Variants in DCAF7 observed in about 807,000 individuals in gnomAD.
DCAF7 encodes DDB1 and CUL4 associated factor 7.
Under a neutral mutation model 41.2 loss-of-function variants are expected in DCAF7, and 4 were observed. The ratio of observed to expected loss-of-function variants is 0.10; its 90% CI spans 0.05 to 0.22. The LOEUF (loss-of-function observed/expected upper bound fraction) is 0.22. DCAF7 is among the 10% of genes least tolerant of loss of function. DCAF7 has a pLI of 1.00. For missense variants in DCAF7, 131 were observed against 443.2 expected (o/e 0.30, Z 6.32); for synonymous variants, 143 against 164.2 (o/e 0.87, Z 0.99).
At chr17:63,583,752 C>G in intron 5 of DCAF7, 41 bp downstream of exon 5, 1 of 1,586,138 alleles carries the variant, frequency 6.3e-7, no homozygotes, top group Non-Finnish European at 8.6e-7. Flanking sequence ...CTGCCTAACT[C>G]CAGCACTGCT....
chr17:63,588,638 C>T (rs2033702862), intron 6 of DCAF7, among the ~76,000 whole-genome samples: 1 of 152,140 alleles, frequency 6.6e-6, no homozygotes, highest in African/African-American at 2.4e-5. Flanking sequence ...TTTGTAACCA[C>T]TCAAGTATTT....
chr17:63,575,680 T>C lies in DCAF7; in HGVS notation c.139-2790T>C, dbSNP rs190889682. 2.2e-3 allele frequency among the ~76,000 whole-genome samples: 338 copies of C among 152,214 alleles called. 3 individuals carry two copies. Among genetic ancestry groups the C allele is most frequent in the Middle Eastern group, 0.014 (4 of 294 alleles). On this transcript the variant is annotated intron_variant, in intron 1 of 6. Transcript: ENST00000614556. ...TCCAGCTTGGGTGCTAGAGCGAGACTCTGTCTGAAAAAAAAGAACTTAAAA... is the reference window on the plus strand; with the variant it reads ...TCCAGCTTGGGTGCTAGAGCGAGACCCTGTCTGAAAAAAAAGAACTTAAAA...
At chr17:63,586,350 G>A (rs6504166) in intron 6 of DCAF7, among the ~76,000 whole-genome samples, 2,831 of 152,074 alleles carry the variant, frequency 0.019, 75 homozygotes, top group African/African-American at 0.065. Flanking sequence ...CAGCTACTTA[G>A]AGGCTGAGGT....
chr17:63,551,303 T>TCTCC (rs2033250971), intron 1 of DCAF7, among the ~76,000 whole-genome samples: 3 of 79,640 alleles, frequency 3.8e-5, no homozygotes, highest in South Asian at 4.9e-4. Flanking sequence ...CGCCCCCTAC[T>TCTCC]CCCACCCCCC....
chr17:63,566,566 A>G (rs2033444211), intron 1 of DCAF7, among the ~76,000 whole-genome samples: 1 of 152,238 alleles, frequency 6.6e-6, no homozygotes, highest in South Asian at 2.1e-4. Context: ...CTGCTATAGA[A>G]GAATGAGGGA....
rs892738745 is a variant in DCAF7 at position 63,583,447 on chromosome 17, T to C, written c.529-55T>C. The C allele has an allele frequency of 8.6e-6, 13 of 1,506,674 alleles. No homozygotes were observed. In the East Asian group the frequency reaches 2.3e-4, roughly 27 times the overall value. 93.3% of individuals were successfully genotyped at this position (1,506,674 alleles called of 1,614,324 possible). ...CTGGACGTGGCAGATTTCCCTCCTA[T>C]AGGAAGAAGAGGTAATGGATCTGAA... On this transcript the variant is annotated intron_variant, in intron 4 of 6. Transcript: ENST00000614556.
At chr17:63,563,813 TCAAA>T (rs2033409218) in intron 1 of DCAF7, among the ~76,000 whole-genome samples, 1 of 133,678 alleles carries the variant, frequency 7.5e-6, no homozygotes, top group South Asian at 2.2e-4. Flanking sequence ...AGATTCTGTC[TCAAA>T]TAAATAAATA....
rs58268977 is a variant in DCAF7 at position 63,559,407 on chromosome 17, A to ATG, written c.138+8594_138+8595dup. Among the ~76,000 whole-genome samples the ATG allele has an allele frequency of 4.1e-3, 435 of 107,378 alleles. 22 individuals are homozygous for ATG. Among genetic ancestry groups the ATG allele is most frequent in the African/African-American group, 0.021 (404 of 19,598 alleles). 70.4% of individuals were successfully genotyped at this position (107,378 alleles called of 152,430 possible). A position where few individuals can be genotyped will look rare whatever the true frequency, so the allele number is the denominator to read the frequency against. On this transcript the variant is annotated intron_variant, in intron 1 of 6. Transcript: ENST00000614556. ...TATATGTATATATATATGTATATAT[A>ATG]TGTATATATATACGTATATATATAT...
At chr17:63,557,895 C>T (rs557615915) in intron 1 of DCAF7, among the ~76,000 whole-genome samples, 6 of 151,950 alleles carry the variant, frequency 3.9e-5, no homozygotes, top group Non-Finnish European at 8.8e-5. Context: ...TCTTATTTTT[C>T]GTGTGTTTTG....
At position 63,585,335 on chromosome 17, in the gene DCAF7, A is replaced by AT. The variant is rs1356447750; in HGVS notation, c.856+8dup. On this transcript the variant is annotated splice_region_variant and intron_variant, in intron 6 of 6. Transcript: ENST00000614556. Reference sequence around the variant, plus strand: ...TGCCACATCTGCACTGCAGGTAATCATGGTGGGGAGAAAGAAATCTGGGAA... The same window carrying AT: ...TGCCACATCTGCACTGCAGGTAATCATTGGTGGGGAGAAAGAAATCTGGGAA... 1 of 1,609,630 alleles carries AT rather than the reference A, an allele frequency of 6.2e-7. No homozygotes were observed. The highest frequency in any genetic ancestry group is 1.7e-5 in the Admixed American group (1 of 59,960).
rs2033758434 is a variant in DCAF7, at chr17:63,593,818, T to C, written c.*4646T>C. On this transcript the variant is annotated 3_prime_UTR_variant, in exon 7 of 7. Coordinates refer to ENST00000614556, the MANE Select transcript of DCAF7 (RefSeq NM_005828.5). Reference sequence around the variant, plus strand: ...ATTGTATAAACCTCTATGTAGAAAATGGAGATTTCTTGCTCTGAAATGTTA... The same window carrying C: ...ATTGTATAAACCTCTATGTAGAAAACGGAGATTTCTTGCTCTGAAATGTTA... 6.6e-6 allele frequency: 1 copy of C among 152,504 alleles called. No individual in the cohort carries two copies. Among genetic ancestry groups the C allele is most frequent in the African/African-American group, 2.4e-5 (1 of 41,404 alleles). The allele number at this position is 152,504 out of a possible 1,614,324, so 9.4% of individuals were successfully genotyped here. A position where few individuals can be genotyped will look rare whatever the true frequency, so the allele number is the denominator to read the frequency against.
rs796155342 is a variant in DCAF7, at chr17:63,593,877, C to T, written c.*4705C>T. 5.9e-5 allele frequency: 9 copies of T among 152,740 alleles called. No individual in the cohort carries two copies. The highest frequency in any genetic ancestry group is 2.2e-4 in the African/African-American group (9 of 41,558). The allele number at this position is 152,740 out of a possible 1,614,324, so 9.5% of individuals were successfully genotyped here. On this transcript the variant is annotated 3_prime_UTR_variant, in exon 7 of 7. Coordinates refer to ENST00000614556, the MANE Select transcript of DCAF7 (RefSeq NM_005828.5). ...CTGATCCATTTCTGTGTCCTTTAGC[C>T]TAGTATGTCTGAACTTCCATTCTTG...
Position 63,550,924 on chromosome 17 carries a change from G to A in DCAF7, c.138+109G>A. The stretch of plus-strand genomic sequence containing the variant: ...AACCCTCTTGCGGACTCGCCCTAGG[G>A]CCACGGAGCGGTTCCTCTGTCTGGC... On this transcript the variant is annotated intron_variant, in intron 1 of 6. Transcript: ENST00000614556. The surrounding 1 kb of genome is among the most constrained non-coding windows in gnomAD (Gnocchi z 4.8). 6.8e-7 allele frequency: 1 copy of A among 1,473,036 alleles called. No individual in the cohort carries two copies. Among genetic ancestry groups the A allele is most frequent in the South Asian group, 1.3e-5 (1 of 75,938 alleles). 91.2% of individuals were successfully genotyped at this position (1,473,036 alleles called of 1,614,324 possible).
chr17:63,556,425 C>T (rs1335613444), intron 1 of DCAF7, among the ~76,000 whole-genome samples: 3 of 151,968 alleles, frequency 2.0e-5, no homozygotes, highest in East Asian at 3.9e-4. Flanking sequence ...CAAAATTAGC[C>T]AGACATGGTG....
At position 63,579,350 on chromosome 17, in the gene DCAF7, A is replaced by G; in HGVS notation, c.311A>G (p.Glu104Gly). 1 of 1,602,340 alleles carries G rather than the reference A, an allele frequency of 6.2e-7. No homozygotes were observed. Among genetic ancestry groups the G allele is most frequent in the Non-Finnish European group, 8.5e-7 (1 of 1,173,806 alleles). The change falls in exon 3 of 7, where the codon GAG becomes GGG. Residue 104 changes from glutamate to glycine, a missense_variant. Coordinates refer to ENST00000614556, the MANE Select transcript of DCAF7 (RefSeq NM_005828.5). ...YLRVWRVGET[E>G]TRLECLLNNN... ...TTGTTCCTTCAGGTTGGTGAAACAGAGACCAGGCTGGAGTGTTTGCTAAAC... is the reference window on the plus strand; with the variant it reads ...TTGTTCCTTCAGGTTGGTGAAACAGGGACCAGGCTGGAGTGTTTGCTAAAC...
In DCAF7 at chr17:63,571,689, T is replaced by G. The variant is rs188036190; in HGVS notation, c.139-6781T>G. Among the ~76,000 whole-genome samples the G allele has an allele frequency of 9.2e-5, 14 of 152,280 alleles. No individual in the cohort carries two copies. The East Asian group carries it at 2.7e-3, about 29-fold the overall frequency. ...CAAATTAAAAATTTAAGTCATTACC[T>G]CTTCTGAAAGCATTGATAAGGTCAA... is the stretch of plus-strand genomic sequence containing the variant. On this transcript the variant is annotated intron_variant, in intron 1 of 6. Coordinates refer to ENST00000614556, the MANE Select transcript of DCAF7 (RefSeq NM_005828.5).
At chr17:63,570,657 T>G (rs905310262) in intron 1 of DCAF7, among the ~76,000 whole-genome samples, 2 of 152,138 alleles carry the variant, frequency 1.3e-5, no homozygotes, top group African/African-American at 2.4e-5. Context: ...TATAGAGCAC[T>G]ATAACTTACT....
In DCAF7 at chr17:63,585,309, C is replaced by G. The variant is rs768843071; in HGVS notation, c.837C>G (p.Ser279=). ...GCATTGCTTGGGCCCCACATTCATC[C>G]TGCCACATCTGCACTGCAGGTAATC... ...VNGIAWAPHS[S]CHICTAADDH... Residue 279 remains serine (S), a synonymous_variant, in exon 6 of 7, where the codon TCC becomes TCG. Transcript: ENST00000614556. 34 of 1,613,736 alleles carry G rather than the reference C, an allele frequency of 2.1e-5. No homozygotes were observed. The highest frequency in any genetic ancestry group is 2.4e-5 in the Non-Finnish European group (28 of 1,179,792).
intron 1 of DCAF7, among the ~76,000 whole-genome samples, chr17:63,552,029 G>A (rs2033262872): frequency 6.6e-6 from 1 of 151,058 alleles, no homozygotes; most frequent in Non-Finnish European, 1.5e-5. Flanking sequence ...AGTGAGCCGA[G>A]ATGGCGCCAC....
Sources: gnomAD v4.1 joint callset for allele counts (sites outside exome capture counted in the v4.1 genomes callset) on GRCh38, gnomAD v4.1.1 for gene constraint, Gnocchi (gnomAD v3.1) non-coding constraint, MANE v1.5 for transcripts, NCBI Gene and HGNC (gene_info 2026-07-23, HGNC 2026-07-21) for gene names.